The following CEP152 variants were observed in gnomAD, a reference collection of about 807,000 sequenced individuals.
CEP152 encodes the protein centrosomal protein 152, also known as centrosomal protein of 152 kDa.
In CEP152, 132 loss-of-function variants were observed where a neutral mutation model predicts 188.9. The ratio of observed to expected loss-of-function variants is 0.70; its 90% CI spans 0.61 to 0.81. CEP152 has a LOEUF of 0.81. Among genes scored for constraint, CEP152 ranks in the 30% least tolerant of loss-of-function variants. The pLI is 0.00. For missense variants in CEP152, 1,914 were observed against 1,969.8 expected (o/e 0.97, Z 0.54); for synonymous variants, 649 against 666.6 (o/e 0.97, Z 0.41).
At chr15:48,792,388 G>A (rs1212847355) in intron 7 of CEP152, among the ~76,000 whole-genome samples, 1 of 152,116 alleles carries the variant, frequency 6.6e-6, no homozygotes, top group Non-Finnish European at 1.5e-5. Flanking sequence ...AATGTTATGA[G>A]CATTACAGAA....
chr15:48,740,586 A>T (rs549614300), intron 26 of CEP152: 1 of 99,204 alleles, frequency 1.0e-5, no homozygotes, highest in African/African-American at 3.9e-5. Flanking sequence ...TTAAAGTTAT[A>T]CGTTCTATGT....
chr15:48,754,242 A>G (rs1214398349), intron 20 of CEP152, among the ~76,000 whole-genome samples: 1 of 152,172 alleles, frequency 6.6e-6, no homozygotes, highest in African/African-American at 2.4e-5. Flanking sequence ...CTGTCTCCAT[A>G]GACTTATGAG....
intron 2 of CEP152, among the ~76,000 whole-genome samples, chr15:48,798,414 A>G (rs553554070): frequency 3.8e-4 from 58 of 152,282 alleles, no homozygotes; most frequent in African/African-American, 1.4e-3. Context: ...ATCCTGTTTT[A>G]TCAGTAATCA....
At chr15:48,745,145 C>A (rs1254985839) in intron 22 of CEP152, among the ~76,000 whole-genome samples, 153 bp from the exon 23 acceptor site, 1 of 152,008 alleles carries the variant, frequency 6.6e-6, no homozygotes, top group Non-Finnish European at 1.5e-5. Flanking sequence ...CTACTCAGAC[C>A]ATTCCCTTGC....
intron 2 of CEP152, among the ~76,000 whole-genome samples, chr15:48,799,012 G>A (rs537336588): frequency 1.3e-5 from 2 of 152,222 alleles, no homozygotes; most frequent in East Asian, 3.9e-4. Context: ...ACTTTTTAGG[G>A]AAACTGTTTC....
intron 7 of CEP152, among the ~76,000 whole-genome samples, chr15:48,792,182 G>A (rs1259618070): frequency 6.6e-6 from 1 of 152,022 alleles, no homozygotes; most frequent in Non-Finnish European, 1.5e-5. Context: ...AGTAGAGATG[G>A]GGTTTCACCA....
chr15:48,742,959 G>A (rs1286470498), intron 24 of CEP152, among the ~76,000 whole-genome samples: 1 of 151,908 alleles, frequency 6.6e-6, no homozygotes, highest in East Asian at 1.9e-4. Flanking sequence ...ATACTAACTG[G>A]GAGACTGTTT....
At chr15:48,737,783 G>T (rs1317698841), downstream of CEP152, among the ~76,000 whole-genome samples, 5 of 152,148 alleles carry the variant, frequency 3.3e-5, no homozygotes. Flanking sequence ...TGTAGATTAA[G>T]TTCATAGCCT....
chr15:48,798,275 A>G (rs1159686157), intron 2 of CEP152, among the ~76,000 whole-genome samples: 1 of 149,472 alleles, frequency 6.7e-6, no homozygotes, highest in African/African-American at 2.5e-5. Flanking sequence ...TTTTTTTTTT[A>G]ACGAAGATCT....
chr15:48,792,379 A>T (rs1313247094), intron 7 of CEP152, among the ~76,000 whole-genome samples: 1 of 152,214 alleles, frequency 6.6e-6, no homozygotes, highest in Non-Finnish European at 1.5e-5. Context: ...CTCAAAATAA[A>T]TGTTATGAGC....
intron 2 of CEP152, among the ~76,000 whole-genome samples, chr15:48,800,610 G>A (rs1897610811): frequency 6.6e-6 from 1 of 152,096 alleles, no homozygotes; most frequent in African/African-American, 2.4e-5. Context: ...TTCAAGAACA[G>A]AAATAACAAT....
At chr15:48,783,823 T>C in intron 10 of CEP152, 150 bp downstream of exon 10, 1 of 382,102 alleles carries the variant, frequency 2.6e-6, no homozygotes, top group South Asian at 3.8e-5. Flanking sequence ...TGTATATATA[T>C]AAAAATATAT....
rs371438736 is a variant in CEP152 at position 48,738,023 on chromosome 15, C to A, written c.*226G>T. On this transcript the variant is annotated 3_prime_UTR_variant, in exon 27 of 27. Coordinates refer to ENST00000380950, the MANE Select transcript of CEP152 (RefSeq NM_001194998.2). ...GTATAAAAATAGATGGTTTAGAAAC[C>A]AAAAATAAGCACCACACAAAAGCAG... The A allele has an allele frequency of 2.0e-6, 1 of 499,414 alleles. No homozygotes were observed. The highest frequency in any genetic ancestry group is 3.5e-6 in the Non-Finnish European group (1 of 289,068). The allele number at this position is 499,414 out of a possible 1,614,324, so 30.9% of individuals were successfully genotyped here.
At chr15:48,781,647 A>T (rs1213077382) in intron 11 of CEP152, among the ~76,000 whole-genome samples, 4 of 152,132 alleles carry the variant, frequency 2.6e-5, no homozygotes, top group African/African-American at 9.7e-5. Context: ...TTAAATGCTG[A>T]TGGCGGCGCT....
intron 17 of CEP152, among the ~76,000 whole-genome samples, chr15:48,763,133 T>C (rs1208084413): frequency 6.6e-6 from 1 of 152,214 alleles, no homozygotes; most frequent in East Asian, 1.9e-4. Flanking sequence ...ATCTTATTTG[T>C]TATAGTGTTA....
chr15:48,744,759 G>A, intron 23 of CEP152, 137 bp downstream of exon 23: 1 of 821,650 alleles, frequency 1.2e-6, no homozygotes, highest in East Asian at 2.7e-5. Flanking sequence ...GGTATCTTCA[G>A]GAAATAAGGT....
intron 2 of CEP152, 28 bp downstream of exon 2, chr15:48,805,535 C>CTTTTTTT: frequency 8.1e-7 from 1 of 1,239,468 alleles, no homozygotes. Flanking sequence ...TTTAGTGTCT[C>CTTTTTTT]TTTTTTTTTT....
chr15:48,804,361 C>A (rs1897848752), intron 2 of CEP152, among the ~76,000 whole-genome samples: 1 of 152,250 alleles, frequency 6.6e-6, no homozygotes, highest in Admixed American at 6.5e-5. Flanking sequence ...TGCCTTAATT[C>A]TACCACCAGC....
rs554507933 is a variant in CEP152, at chr15:48,796,176, A to T, written c.541-16T>A. 4.6e-5 allele frequency: 75 copies of T among 1,613,184 alleles called. No individual in the cohort carries two copies. The South Asian group carries it at 7.8e-4, about 17-fold the overall frequency. The stretch of plus-strand genomic sequence containing the variant: ...AACTGGGACCCTGTGATAACAAATG[A>T]AACTGACAATTAAGATTTGGCCTTT... On this transcript the variant is annotated splice_polypyrimidine_tract_variant and intron_variant, in intron 5 of 26. Transcript: ENST00000380950.
Sources: allele counts gnomAD v4.1 joint callset (sites outside exome capture counted in the v4.1 genomes callset), GRCh38; gene constraint gnomAD v4.1.1; transcripts MANE v1.5; gene names NCBI Gene and HGNC (gene_info 2026-07-23, HGNC 2026-07-21).